The following ATP2B1 variants were observed in gnomAD, a reference collection of about 807,000 sequenced individuals.
ATP2B1 encodes the protein ATPase plasma membrane Ca2+ transporting 1, also known as plasma membrane calcium-transporting ATPase 1.
A neutral mutation model predicts 124.2 loss-of-function variants in ATP2B1; 14 were observed. The observed-to-expected ratio is 0.11, with a 90% CI of 0.07 to 0.18. ATP2B1 has a LOEUF of 0.18. ATP2B1 is among the 10% of genes least tolerant of loss of function. ATP2B1 has a pLI of 1.00. For missense variants in ATP2B1, 763 were observed against 1,466.1 expected (o/e 0.52, Z 7.83); for synonymous variants, 449 against 492.4 (o/e 0.91, Z 1.17).
upstream of ATP2B1, chr12:89,709,158 C>T (rs559925269): frequency 6.6e-6 from 1 of 151,058 alleles, no homozygotes; most frequent in African/African-American, 2.4e-5. Flanking sequence ...GGGCAGGGAC[C>T]CCGTCTGCAC....
chr12:89,661,300 GT>G (rs1886667629), intron 1 of ATP2B1, among the ~76,000 whole-genome samples: 1 of 152,056 alleles, frequency 6.6e-6, no homozygotes, highest in Non-Finnish European at 1.5e-5. Context: ...TTTTATAAAA[GT>G]TACTAAATCA....
At chr12:89,674,957 C>T (rs1261027244) in intron 1 of ATP2B1, among the ~76,000 whole-genome samples, 1 of 152,146 alleles carries the variant, frequency 6.6e-6, no homozygotes, top group Non-Finnish European at 1.5e-5. Context: ...AGTATACTTG[C>T]TTGAATCAGA....
intron 5 of ATP2B1, among the ~76,000 whole-genome samples, chr12:89,631,502 G>A (rs1881855180): frequency 1.3e-5 from 2 of 152,098 alleles, no homozygotes; most frequent in African/African-American, 4.8e-5. Context: ...CCCCTACCTA[G>A]TCTCTGTGTC....
intron 8 of ATP2B1, among the ~76,000 whole-genome samples, chr12:89,624,999 C>T (rs1880607176): frequency 6.6e-6 from 1 of 152,142 alleles, no homozygotes; most frequent in African/African-American, 2.4e-5. Context: ...TGGCTGGGCG[C>T]AGTGGCTCAC....
intron 13 of ATP2B1, 39 bp from the exon 14 acceptor site, chr12:89,610,547 A>C (rs761634308): frequency 3.3e-6 from 5 of 1,518,130 alleles, no homozygotes; most frequent in Non-Finnish European, 4.6e-6. Context: ...GCCCAAACAT[A>C]GTTTCTTAAA....
At chr12:89,658,248 C>T (rs1166354094) in intron 1 of ATP2B1, among the ~76,000 whole-genome samples, 1 of 152,156 alleles carries the variant, frequency 6.6e-6, no homozygotes, top group East Asian at 1.9e-4. Context: ...CAACTCCTGG[C>T]CTGCTATCCC....
intron 20 of ATP2B1, among the ~76,000 whole-genome samples, chr12:89,598,058 A>AAAAAAAAAAC (rs1167220860): frequency 2.7e-5 from 4 of 150,890 alleles, no homozygotes; most frequent in African/African-American, 4.9e-5. Context: ...AAAAAAAAAA[A>AAAAAAAAAAC]AAAAATCAAA....
At chr12:89,627,103 CTTAAG>C (rs943409008) in intron 7 of ATP2B1, among the ~76,000 whole-genome samples, 8 of 152,050 alleles carry the variant, frequency 5.3e-5, no homozygotes, top group African/African-American at 1.4e-4. Context: ...ACTTGAAATA[CTTAAG>C]TTGAGTCAAT....
intron 2 of ATP2B1, among the ~76,000 whole-genome samples, chr12:89,643,108 ATATATACGTATATACACG>A (rs1883856067): frequency 6.6e-6 from 1 of 150,812 alleles, no homozygotes; most frequent in Non-Finnish European, 1.5e-5. Flanking sequence ...ACATACGTAT[ATATATACGTATATACACG>A]TATATATGTA....
chr12:89,676,727 T>C (rs887704618), intron 1 of ATP2B1, among the ~76,000 whole-genome samples: 1 of 152,084 alleles, frequency 6.6e-6, no homozygotes, highest in Non-Finnish European at 1.5e-5. Flanking sequence ...AGTATAAAAA[T>C]TGCAAATAGA....
chr12:89,677,965 T>TACACACAC (rs762930153), intron 1 of ATP2B1, among the ~76,000 whole-genome samples: 42 of 112,062 alleles, frequency 3.7e-4, no homozygotes, highest in East Asian at 1.9e-3. Flanking sequence ...TATATATATA[T>TACACACAC]ATATATACAC....
chr12:89,689,906 T>A (rs977620514), intron 1 of ATP2B1, among the ~76,000 whole-genome samples: 1 of 152,126 alleles, frequency 6.6e-6, no homozygotes, highest in Non-Finnish European at 1.5e-5. Flanking sequence ...AATACAGAAA[T>A]TGTAATGGTC....
chr12:89,706,938 G>C (rs1158283614), intron 1 of ATP2B1, among the ~76,000 whole-genome samples: 5 of 152,038 alleles, frequency 3.3e-5, no homozygotes, highest in Non-Finnish European at 5.9e-5. Context: ...CTTATCTAAA[G>C]CAAGGTAAAA....
chr12:89,630,638 A>G lies in ATP2B1; in HGVS notation c.795T>C (p.His265=), dbSNP rs1273729759. 2 of 1,550,860 alleles carry G rather than the reference A, an allele frequency of 1.3e-6. No individual in the cohort carries two copies. Among genetic ancestry groups the G allele is most frequent in the East Asian group, 2.4e-5 (1 of 42,074 alleles). Residue 265 remains histidine, a synonymous_variant, in exon 6 of 21, where the codon CAT becomes CAC. Coordinates refer to ENST00000428670, the MANE Select transcript of ATP2B1 (RefSeq NM_001366521.1). ...DKDPLLLSGT[H]VMEGSGRMVV... is the part of the protein sequence containing the mutation. ...CCATTCTTCCAGAGCCTTCCATTAC[A>G]TGAGTACCTATAACCAAAAACATAG...
At chr12:89,656,187 C>G in intron 1 of ATP2B1, 80 bp from the exon 2 acceptor site, 2 of 400,714 alleles carry the variant, frequency 5.0e-6, no homozygotes, top group Non-Finnish European at 8.8e-6. Context: ...CTAAATGTCA[C>G]CAGGTAGCTA....
intron 2 of ATP2B1, among the ~76,000 whole-genome samples, chr12:89,644,974 A>G (rs1417244431): frequency 6.6e-6 from 1 of 152,210 alleles, no homozygotes; most frequent in African/African-American, 2.4e-5. Context: ...TAATTCCTCT[A>G]AACTACTAAC....
chr12:89,645,071 G>T (rs1884239115), intron 2 of ATP2B1, among the ~76,000 whole-genome samples: 1 of 152,196 alleles, frequency 6.6e-6, no homozygotes, highest in Admixed American at 6.5e-5. Context: ...TTCACCTACT[G>T]AAATCTTGTG....
At position 89,675,647 on chromosome 12, in the gene ATP2B1, T is replaced by C. The variant is rs146467119; in HGVS notation, c.-221-19540A>G. Among the ~76,000 whole-genome samples, 21 of 152,244 alleles carry C rather than the reference T, an allele frequency of 1.4e-4. No homozygotes were observed. The East Asian group carries it at 3.7e-3, about 27-fold the overall frequency. ...TATATTGCTGTCATATAACTTACAA[T>C]TGAAGCAATGAAGTGCTTTTACTAC... On this transcript the variant is annotated intron_variant, in intron 1 of 20. Coordinates refer to ENST00000428670, the MANE Select transcript of ATP2B1 (RefSeq NM_001366521.1).
At chr12:89,650,916 A>T (rs1398819082) in intron 2 of ATP2B1, among the ~76,000 whole-genome samples, 2 of 152,246 alleles carry the variant, frequency 1.3e-5, no homozygotes, top group Non-Finnish European at 2.9e-5. Flanking sequence ...ACAGAAGAAA[A>T]AAAAACTGTG....
Sources: allele counts gnomAD v4.1 joint callset (sites outside exome capture counted in the v4.1 genomes callset), GRCh38; gene constraint gnomAD v4.1.1; transcripts MANE v1.5; gene names NCBI Gene and HGNC (gene_info 2026-07-23, HGNC 2026-07-21).